The following BPIFC variants were observed in gnomAD, a reference collection of about 807,000 sequenced individuals.
BPIFC encodes BPI fold-containing family C protein.
A neutral mutation model predicts 57.6 loss-of-function variants in BPIFC; 60 were observed. The observed-to-expected ratio is 1.04, with a 90% CI of 0.85 to 1.29. BPIFC has a LOEUF of 1.29. BPIFC is among the 50% of genes most tolerant of loss of function. The probability of loss-of-function intolerance (pLI) is 0.00; values close to 1 mark genes in which losing one functional copy is unlikely to be tolerated. For synonymous variants in BPIFC, 243 were observed against 224.5 expected (o/e 1.08, Z -0.74); for missense variants, 581 against 600.5 (o/e 0.97, Z 0.34).
At chr22:32,416,038 G>A in intron 15 of BPIFC, 47 bp from the exon 16 acceptor site, 1 of 1,216,158 alleles carries the variant, frequency 8.2e-7, no homozygotes, top group Non-Finnish European at 1.1e-6. Context: ...AAGCACAGAG[G>A]TTTTAGCAAG....
At chr22:32,432,623 G>A (rs1934282353) in intron 11 of BPIFC, 80 bp from the exon 12 acceptor site, 9 of 1,372,988 alleles carry the variant, frequency 6.6e-6, no homozygotes, top group South Asian at 3.8e-5. Context: ...GATGGCCTGT[G>A]GTGACTAAAT....
intron 10 of BPIFC, 72 bp from the exon 11 acceptor site, chr22:32,433,844 TC>T (rs1446033673): frequency 5.3e-6 from 7 of 1,317,356 alleles, no homozygotes; most frequent in African/African-American, 1.4e-5. Context: ...AATGTAGTGT[TC>T]CCTATAATTT....
chr22:32,444,288 A>AAGGATGG (rs2145947990), intron 7 of BPIFC, among the ~76,000 whole-genome samples: 1 of 152,280 alleles, frequency 6.6e-6, no homozygotes, highest in Admixed American at 6.5e-5. Context: ...TCTGTCAGGT[A>AAGGATGG]AGGATGGAGA....
intron 15 of BPIFC, among the ~76,000 whole-genome samples, chr22:32,416,386 A>T (rs1187215870): frequency 6.6e-6 from 1 of 152,140 alleles, no homozygotes; most frequent in Non-Finnish European, 1.5e-5. Flanking sequence ...CCCGGCATGG[A>T]CAGCTTTTTA....
At chr22:32,434,190 A>G (rs1049483148) in intron 10 of BPIFC, among the ~76,000 whole-genome samples, 2 of 149,016 alleles carry the variant, frequency 1.3e-5, no homozygotes, top group Non-Finnish European at 3.0e-5. Flanking sequence ...ATGTGTACAT[A>G]TTCTTTATTT....
At chr22:32,423,049 T>C (rs1048567063) in intron 13 of BPIFC, among the ~76,000 whole-genome samples, 1 of 152,160 alleles carries the variant, frequency 6.6e-6, no homozygotes, top group Admixed American at 6.5e-5. Flanking sequence ...TTTGTTGGAA[T>C]TGGGGTCACT....
intron 3 of BPIFC, among the ~76,000 whole-genome samples, chr22:32,454,225 T>C (rs765221186): frequency 5.9e-5 from 9 of 152,194 alleles, no homozygotes; most frequent in Non-Finnish European, 7.3e-5. Flanking sequence ...CAGAAGGTTA[T>C]TCCACACTCT....
rs192243085 is a variant in BPIFC at position 32,459,051 on chromosome 22, A to T, written c.1-1665T>A. On this transcript the variant is annotated intron_variant, in intron 2 of 16. Coordinates refer to ENST00000300399, the MANE Select transcript of BPIFC (RefSeq NM_174932.3). ...CAGTAATTTGGGTTTCTTTTAATGA[A>T]AATCAAGTGAGTAATATATTCACAG... Among the ~76,000 whole-genome samples, 249 of 152,346 alleles carry T rather than the reference A, an allele frequency of 1.6e-3. 1 individual carries two copies. Among genetic ancestry groups the T allele is most frequent in the African/African-American group, 5.7e-3 (236 of 41,580 alleles).
intron 13 of BPIFC, among the ~76,000 whole-genome samples, chr22:32,424,588 T>TC (rs1569447808): frequency 5.8e-5 from 5 of 86,948 alleles, no homozygotes; most frequent in East Asian, 6.4e-4. Context: ...TTCTTCTTCT[T>TC]CTTCTTCTTC....
At chr22:32,424,753 CTCTTCT>C (rs1556036707) in intron 13 of BPIFC, among the ~76,000 whole-genome samples, 573 of 35,446 alleles carry the variant, frequency 0.016, 126 homozygotes, top group African/African-American at 0.022. Flanking sequence ...CTTCTTCTTC[CTCTTCT>C]TCTTCTTCTT....
chr22:32,433,388 G>A (rs1250402577), intron 11 of BPIFC, among the ~76,000 whole-genome samples: 1 of 152,196 alleles, frequency 6.6e-6, no homozygotes, highest in African/African-American at 2.4e-5. Context: ...ACAGTTACAA[G>A]TGTGGGCACT....
chr22:32,426,812 A>T (rs769803813), intron 13 of BPIFC, among the ~76,000 whole-genome samples: 52 of 152,052 alleles, frequency 3.4e-4, no homozygotes, highest in Admixed American at 2.5e-3. Flanking sequence ...GGATCACTGG[A>T]ACCCGGGGTG....
At chr22:32,437,642 G>A (rs1569451804) in intron 9 of BPIFC, 118 bp downstream of exon 9, 1 of 688,726 alleles carries the variant, frequency 1.5e-6, no homozygotes, top group Non-Finnish European at 2.5e-6. Flanking sequence ...CCACCTGCCT[G>A]GGCCTCCCAA....
At chr22:32,428,276 C>CGTGTGT (rs56020393) in intron 13 of BPIFC, among the ~76,000 whole-genome samples, 83 of 146,578 alleles carry the variant, frequency 5.7e-4, no homozygotes, top group South Asian at 2.8e-3. Flanking sequence ...TGTGCGCGCG[C>CGTGTGT]GTGTGTGTGT....
chr22:32,433,631 A>C, intron 11 of BPIFC, 88 bp downstream of exon 11: 3 of 1,191,810 alleles, frequency 2.5e-6, no homozygotes, highest in Non-Finnish European at 3.7e-6. Context: ...GACTTATCCA[A>C]AAAGGAATAC....
intron 13 of BPIFC, among the ~76,000 whole-genome samples, chr22:32,424,723 T>C (rs1457627329): frequency 1.0e-5 from 1 of 97,078 alleles, no homozygotes; most frequent in Non-Finnish European, 2.0e-5. Context: ...CTTCCTCTTC[T>C]TCTTCCTCTT....
At position 32,456,574 on chromosome 22, in the gene BPIFC, T is replaced by A. The variant is rs1358554031; in HGVS notation, c.124+689A>T. On this transcript the variant is annotated intron_variant, in intron 3 of 16. Transcript: ENST00000300399. ...GCAGTGCTTAGGTTGACTGCTTTAGTTAAAGAGGACTGAGAAAGCTCCATC... is the reference window on the plus strand; with the variant it reads ...GCAGTGCTTAGGTTGACTGCTTTAGATAAAGAGGACTGAGAAAGCTCCATC... 2.0e-5 allele frequency among the ~76,000 whole-genome samples: 3 copies of A among 152,112 alleles called. No individual in the cohort carries two copies. In the East Asian group the frequency reaches 5.8e-4, roughly 29 times the overall value.
At position 32,416,175 on chromosome 22, in the gene BPIFC, G is replaced by A. The variant is rs1255022573; in HGVS notation, c.1325-184C>T. 3.3e-5 allele frequency among the ~76,000 whole-genome samples: 5 copies of A among 151,602 alleles called. No homozygotes were observed. The East Asian group carries it at 9.7e-4, about 29-fold the overall frequency. On this transcript the variant is annotated intron_variant, in intron 15 of 16. Transcript: ENST00000300399. ...GCTCACTGCAACCTCCACCTCCCAGGTACAGGTGATTCTCCTGCCTCAGCC... is the reference window on the plus strand; with the variant it reads ...GCTCACTGCAACCTCCACCTCCCAGATACAGGTGATTCTCCTGCCTCAGCC...
chr22:32,454,982 C>T (rs926818378), intron 3 of BPIFC, among the ~76,000 whole-genome samples: 8 of 151,454 alleles, frequency 5.3e-5, no homozygotes, highest in South Asian at 2.1e-4. Flanking sequence ...AAGCGCTTTA[C>T]GTATGTTAAT....
Sources: allele counts gnomAD v4.1 joint callset (sites outside exome capture counted in the v4.1 genomes callset), GRCh38; gene constraint gnomAD v4.1.1; transcripts MANE v1.5; gene names NCBI Gene and HGNC (gene_info 2026-07-23, HGNC 2026-07-21).